TNS3: variants seen among roughly 807,000 people sequenced by gnomAD.
TNS3 encodes tensin-3.
A neutral mutation model predicts 140.9 loss-of-function variants in TNS3; 45 were observed. That is an observed-to-expected ratio of 0.32 (90% CI 0.25 to 0.41). The LOEUF is 0.41. TNS3 is among the 10% of genes least tolerant of loss of function. The pLI is 1.00. For missense variants in TNS3, 1,716 were observed against 1,906.7 expected (o/e 0.90, Z 1.86); for synonymous variants, 815 against 788.4 (o/e 1.03, Z -0.56).
intron 10 of TNS3, among the ~76,000 whole-genome samples, chr7:47,418,015 G>A (rs1199317527): frequency 3.3e-5 from 5 of 152,306 alleles, no homozygotes; most frequent in South Asian, 4.1e-4. Context: ...GAGGCCAGGC[G>A]CAGTGGCTCC....
Position 47,291,999 on chromosome 7 carries a change from T to G in TNS3, c.3884A>C (p.Gln1295Pro). 6.2e-7 allele frequency: 1 copy of G among 1,614,174 alleles called. No homozygotes were observed. Among genetic ancestry groups the G allele is most frequent in the Non-Finnish European group, 8.5e-7 (1 of 1,180,014 alleles). Residue 1295 changes from glutamine (Q) to proline (P), a missense_variant, in exon 27 of 31, where the codon CAG becomes CCG. By Grantham distance (76) the Gln-to-Pro change is moderately conservative. This residue lies in a region of TNS3 where 216 missense variants were observed against 295.7 expected (regional missense o/e 0.73). Coordinates refer to ENST00000311160, the MANE Select transcript of TNS3 (RefSeq NM_022748.12). The part of the protein sequence containing the change: ...PLEEIAESSP[Q>P]TAANSAAELL... ...CTCAGCTGCTGAATTGGCTGCCGTC[T>G]GGGGAGAACTTTCTGCTATTTCCTC... is the stretch of plus-strand genomic sequence containing the variant.
intron 20 of TNS3, among the ~76,000 whole-genome samples, chr7:47,326,370 C>T (rs368380790): frequency 3.0e-4 from 45 of 152,294 alleles, no homozygotes; most frequent in African/African-American, 9.9e-4. Context: ...GTTCTTTCCA[C>T]AAGACATCCC....
intron 20 of TNS3, among the ~76,000 whole-genome samples, chr7:47,327,884 G>A (rs556194269): frequency 3.9e-5 from 6 of 152,108 alleles, no homozygotes; most frequent in Non-Finnish European, 7.3e-5. Flanking sequence ...TTCAGCAAGG[G>A]CAACTGGATC....
chr7:47,469,200 C>T (rs997140120), intron 4 of TNS3, among the ~76,000 whole-genome samples: 1 of 152,092 alleles, frequency 6.6e-6, no homozygotes, highest in Non-Finnish European at 1.5e-5. Context: ...TGGCCAAGTA[C>T]CCAAAAATAA....
At chr7:47,473,755 C>A (rs952292227) in intron 4 of TNS3, among the ~76,000 whole-genome samples, 4 of 152,148 alleles carry the variant, frequency 2.6e-5, no homozygotes, top group Non-Finnish European at 4.4e-5. Context: ...GATCCACTGT[C>A]CCAGATCACT....
At chr7:47,440,280 T>C (rs112607499) in intron 5 of TNS3, among the ~76,000 whole-genome samples, 9,546 of 152,122 alleles carry the variant, frequency 0.063, 806 homozygotes, top group African/African-American at 0.19. Context: ...GGGGACCAGC[T>C]GGGGCATAAT....
intron 4 of TNS3, among the ~76,000 whole-genome samples, chr7:47,479,102 T>G (rs1477488279): frequency 6.6e-6 from 1 of 152,172 alleles, no homozygotes; most frequent in Non-Finnish European, 1.5e-5. Flanking sequence ...GACTCCTCTC[T>G]GGGACCCTGG....
intron 3 of TNS3, among the ~76,000 whole-genome samples, chr7:47,503,041 G>A (rs898359898): frequency 6.6e-6 from 1 of 152,084 alleles, no homozygotes; most frequent in African/African-American, 2.4e-5. Context: ...GCTGCGCATC[G>A]GGACCCTGTG....
intron 4 of TNS3, among the ~76,000 whole-genome samples, chr7:47,473,944 C>T (rs1362819115): frequency 6.6e-6 from 1 of 152,182 alleles, no homozygotes; most frequent in Non-Finnish European, 1.5e-5. Flanking sequence ...AATCAAATAG[C>T]TTCATGAGAC....
chr7:47,411,886 AC>A, intron 12 of TNS3, 84 bp from the exon 13 acceptor site: 1 of 1,278,576 alleles, frequency 7.8e-7, no homozygotes, highest in Non-Finnish European at 1.1e-6. Flanking sequence ...CAACCCTACA[AC>A]CCAAAACTCA....
intron 30 of TNS3, 122 bp from the exon 31 acceptor site, chr7:47,278,342 A>C: frequency 6.1e-6 from 7 of 1,152,548 alleles, no homozygotes; most frequent in Non-Finnish European, 7.2e-6. Flanking sequence ...AAAATCAACC[A>C]CGTGCCCAGC....
intron 2 of TNS3, among the ~76,000 whole-genome samples, chr7:47,527,800 G>A (rs1172397105): frequency 6.6e-6 from 1 of 152,104 alleles, no homozygotes; most frequent in African/African-American, 2.4e-5. Flanking sequence ...TCCAGCTACT[G>A]GAGTGGCTGA....
chr7:47,435,321 C>T lies in TNS3; in HGVS notation c.285G>A (p.Leu95=). Residue 95 remains leucine, a synonymous_variant, in exon 8 of 31, where the codon CTG becomes CTA. Coordinates refer to ENST00000311160, the MANE Select transcript of TNS3 (RefSeq NM_022748.12). ...CTICKAQESW[L]NSNLQHVVVI... is the part of the protein sequence containing the mutation. ...CGACCACATGCTGGAGGTTGCTGTT[C>T]AGCCAGGACTCCTGCGCCTTGCATA... 1 of 1,614,162 alleles carries T rather than the reference C, an allele frequency of 6.2e-7. No individual in the cohort carries two copies. Among genetic ancestry groups the T allele is most frequent in the South Asian group, 1.1e-5 (1 of 91,070 alleles).
chr7:47,286,773 T>A (rs1785442271), intron 27 of TNS3, among the ~76,000 whole-genome samples: 1 of 152,110 alleles, frequency 6.6e-6, no homozygotes, highest in Non-Finnish European at 1.5e-5. Flanking sequence ...TGAACATCCA[T>A]AAGGAGGTGA....
chr7:47,389,066 GAAGAAGAAGAAGAA>G lies in TNS3; in HGVS notation c.1024+7720_1024+7733del, dbSNP rs1562675002. ...AGAAGAAGAAGAAGAAGAAGAAGAA[GAAGAAGAAGAAGAA>G]GAAGAGGAAGAGGAAGAGGAAGCGG... is the stretch of plus-strand genomic sequence containing the variant. On this transcript the variant is annotated intron_variant, in intron 16 of 30. Coordinates refer to ENST00000311160, the MANE Select transcript of TNS3 (RefSeq NM_022748.12). Among the ~76,000 whole-genome samples the G allele has an allele frequency of 1.6e-4, 12 of 76,890 alleles. 1 individual carries two copies. The highest frequency in any genetic ancestry group is 7.3e-4 in the African/African-American group (12 of 16,336). The allele number at this position is 76,890 out of a possible 152,430, so 50.4% of individuals were successfully genotyped here. A position where few individuals can be genotyped will look rare whatever the true frequency, so the allele number is the denominator to read the frequency against.
At chr7:47,344,656 G>C (rs966762489) in intron 20 of TNS3, 99 bp downstream of exon 20, 1 of 1,102,304 alleles carries the variant, frequency 9.1e-7, no homozygotes, top group Non-Finnish European at 1.3e-6. Context: ...GACACAAATG[G>C]AAACATTTCT....
chr7:47,284,977 ATTGGCAGGTGTG>A (rs1296795762), intron 27 of TNS3, among the ~76,000 whole-genome samples: 1 of 152,180 alleles, frequency 6.6e-6, no homozygotes, highest in African/African-American at 2.4e-5. Flanking sequence ...GGCCATGCCT[ATTGGCAGGTGTG>A]TTGGCAGGTG....
chr7:47,280,134 A>G, intron 30 of TNS3, 30 bp downstream of exon 30: 2 of 1,613,846 alleles, frequency 1.2e-6, no homozygotes, highest in South Asian at 1.1e-5. Context: ...GCAGACAAGG[A>G]GAGAATGTAA....
At chr7:47,344,233 T>A (rs1042578822) in intron 20 of TNS3, among the ~76,000 whole-genome samples, 10 of 152,028 alleles carry the variant, frequency 6.6e-5, no homozygotes, top group African/African-American at 2.4e-4. Context: ...TAACACTCTC[T>A]CGCCTGAGCC....
Sources: allele counts gnomAD v4.1 joint callset (sites outside exome capture counted in the v4.1 genomes callset), GRCh38; gene constraint gnomAD v4.1.1; regional missense constraint gnomAD v4.1.1; transcripts MANE v1.5; gene names NCBI Gene and HGNC (gene_info 2026-07-23, HGNC 2026-07-21).